Variants in PCDH15 observed in about 807,000 individuals in gnomAD.
PCDH15 encodes protocadherin-15.
Under a neutral mutation model 178.5 loss-of-function variants are expected in PCDH15, and 129 were observed. The ratio of observed to expected loss-of-function variants is 0.72; its 90% confidence interval spans 0.63 to 0.84. The LOEUF (loss-of-function observed/expected upper bound fraction) is 0.84, where lower values mean the gene tolerates loss of function less well. PCDH15 is among the 40% of genes least tolerant of loss of function. The pLI is 0.00. For missense variants in PCDH15, 2,230 were observed against 2,099.9 expected, an observed-to-expected ratio of 1.06 and a Z score of -1.21; for synonymous variants, 800 against 732.0, an observed-to-expected ratio of 1.09 and a Z score of -1.50.
intron 2 of PCDH15, among the ~76,000 whole-genome samples, chr10:54,897,678 T>C (rs1028221457): frequency 2.0e-5 from 3 of 152,170 alleles, no homozygotes; most frequent in African/African-American, 7.2e-5. Flanking sequence ...ACAAATGTAA[T>C]ATATGTGTGT....
intron 1 of PCDH15, among the ~76,000 whole-genome samples, chr10:55,173,839 T>C (rs1249758815): frequency 2.0e-5 from 3 of 152,140 alleles, no homozygotes; most frequent in Admixed American, 1.3e-4. Context: ...GATTTTTTGA[T>C]GTTTCATTCA....
intron 1 of PCDH15, among the ~76,000 whole-genome samples, chr10:54,702,194 T>C (rs1010867835): frequency 1.3e-5 from 2 of 151,982 alleles, no homozygotes; most frequent in Non-Finnish European, 2.9e-5. Context: ...AAAAAGCTAC[T>C]CCTGGATTAC....
At chr10:55,119,026 T>C (rs763050371) in intron 2 of PCDH15, among the ~76,000 whole-genome samples, 13 of 152,156 alleles carry the variant, frequency 8.5e-5, no homozygotes, top group Non-Finnish European at 2.9e-5. Context: ...CAGCCAGTTC[T>C]CTCATGGGCC....
chr10:53,859,526 CTG>C (rs1414433302), intron 27 of PCDH15, among the ~76,000 whole-genome samples: 1 of 152,120 alleles, frequency 6.6e-6, no homozygotes, highest in Non-Finnish European at 1.5e-5. Flanking sequence ...GGCTGACAGA[CTG>C]TTACAGATCC....
At chr10:54,696,772 C>A (rs1476063570) in intron 1 of PCDH15, among the ~76,000 whole-genome samples, 2 of 151,932 alleles carry the variant, frequency 1.3e-5, no homozygotes, top group Non-Finnish European at 2.9e-5. Context: ...CCTTAGGTTT[C>A]CTTTTGTTTT....
At chr10:54,473,068 G>C (rs545342205) in intron 3 of PCDH15, among the ~76,000 whole-genome samples, 1 of 152,006 alleles carries the variant, frequency 6.6e-6, no homozygotes, top group African/African-American at 2.4e-5. Flanking sequence ...CAGTGAGGTG[G>C]CTTTCTTTTT....
At chr10:53,829,815 G>A (rs10825116) in intron 30 of PCDH15, among the ~76,000 whole-genome samples, 57,940 of 151,684 alleles carry the variant, frequency 0.38, 11,666 homozygotes, top group East Asian at 0.75. Flanking sequence ...TTTGAAAACG[G>A]AGCTAGAATT....
At chr10:55,067,768 T>C (rs930998892) in intron 2 of PCDH15, among the ~76,000 whole-genome samples, 2 of 152,046 alleles carry the variant, frequency 1.3e-5, no homozygotes, top group Admixed American at 6.6e-5. Flanking sequence ...TTCTGTCTTT[T>C]TAATAACAGT....
intron 2 of PCDH15, among the ~76,000 whole-genome samples, chr10:55,014,088 G>A (rs74671735): frequency 0.018 from 2,765 of 152,070 alleles, 84 homozygotes; most frequent in African/African-American, 0.061. Context: ...AGAAGAAACT[G>A]TATACTATCA....
chr10:53,999,446 C>T (rs921393379), intron 20 of PCDH15, among the ~76,000 whole-genome samples: 1 of 152,116 alleles, frequency 6.6e-6, no homozygotes, highest in African/African-American at 2.4e-5. Context: ...ACTTATTTCC[C>T]TTCTTTTATG....
chr10:55,207,001 C>T (rs1172855584), intron 1 of PCDH15, among the ~76,000 whole-genome samples: 2 of 151,772 alleles, frequency 1.3e-5, no homozygotes, highest in Non-Finnish European at 2.9e-5. Flanking sequence ...CTTTCTCTTT[C>T]TCTTTGTTTC....
intron 18 of PCDH15, among the ~76,000 whole-genome samples, chr10:54,043,121 T>A (rs188520257): frequency 3.5e-4 from 54 of 152,260 alleles, no homozygotes; most frequent in African/African-American, 1.3e-3. Context: ...ATGGGGAGCC[T>A]GGTTTAATGC....
chr10:55,413,227 T>C (rs1838387143), intron 2 of PCDH15, among the ~76,000 whole-genome samples: 1 of 151,774 alleles, frequency 6.6e-6, no homozygotes, highest in East Asian at 1.9e-4. Flanking sequence ...TTTACATTTA[T>C]TCATTTATTC....
intron 2 of PCDH15, among the ~76,000 whole-genome samples, chr10:54,901,735 G>C (rs898097044): frequency 6.6e-5 from 10 of 152,148 alleles, no homozygotes; most frequent in Admixed American, 6.6e-4. Context: ...ACTTGATAAT[G>C]CTTGTGAATA....
intron 2 of PCDH15, among the ~76,000 whole-genome samples, chr10:55,571,150 G>T (rs1842401489): frequency 6.6e-6 from 1 of 151,886 alleles, no homozygotes; most frequent in Non-Finnish European, 1.5e-5. Context: ...GTGAGAGTTG[G>T]TTTTTAAAGG....
intron 1 of PCDH15, among the ~76,000 whole-genome samples, chr10:55,184,746 C>T (rs150483672): frequency 8.0e-4 from 122 of 152,000 alleles, no homozygotes; most frequent in African/African-American, 2.8e-3. Flanking sequence ...AATCAAATGA[C>T]TTTTCCTCAA....
At chr10:54,703,394 G>GA (rs370714314) in intron 1 of PCDH15, among the ~76,000 whole-genome samples, 2,978 of 151,414 alleles carry the variant, frequency 0.02, 85 homozygotes, top group African/African-American at 0.067. Context: ...TAAGGCAAGG[G>GA]AAAAAAAATA....
intron 3 of PCDH15, among the ~76,000 whole-genome samples, chr10:54,871,054 C>T (rs916701989): frequency 5.9e-5 from 9 of 152,158 alleles, no homozygotes; most frequent in Admixed American, 2.0e-4. Context: ...TCAACCAGTG[C>T]TGCATTAGAA....
At chr10:55,546,986 C>T (rs1037911767) in intron 2 of PCDH15, among the ~76,000 whole-genome samples, 6 of 151,554 alleles carry the variant, frequency 4.0e-5, no homozygotes, top group African/African-American at 1.5e-4. Flanking sequence ...GAAAAGAATC[C>T]GAAAGTAGTG....
Sources: gnomAD v4.1 joint callset for allele counts (sites outside exome capture counted in the v4.1 genomes callset) on GRCh38, gnomAD v4.1.1 for gene constraint, MANE v1.5 for transcripts, NCBI Gene and HGNC (gene_info 2026-07-23, HGNC 2026-07-21) for gene names.